ADAM22: variants seen among roughly 807,000 people sequenced by gnomAD.
The protein encoded by ADAM22 is ADAM metallopeptidase domain 22.
In ADAM22, 65 loss-of-function variants were observed where a neutral mutation model predicts 144.6. The ratio of observed to expected loss-of-function variants is 0.45; its 90% CI spans 0.37 to 0.55. The LOEUF (loss-of-function observed/expected upper bound fraction) is 0.55. ADAM22 is among the 20% of genes least tolerant of loss of function. The probability of loss-of-function intolerance (pLI) is 0.00; values close to 1 mark genes in which losing one functional copy is unlikely to be tolerated. For synonymous variants in ADAM22, 391 were observed against 412.6 expected (o/e 0.95, Z 0.63); for missense variants, 974 against 1,184.9 (o/e 0.82, Z 2.61).
chr7:88,130,296 A>G (rs1554489833), intron 9 of ADAM22, 92 bp from the exon 10 acceptor site: 3 of 871,154 alleles, frequency 3.4e-6, no homozygotes, highest in Non-Finnish European at 5.3e-6. Context: ...TTACATTTTT[A>G]GGGATCTTTC....
chr7:87,934,508 T>C lies in ADAM22; in HGVS notation c.43T>C (p.Cys15Arg). The change falls in exon 1 of 32, where the codon TGT becomes CGT. Residue 15 changes from cysteine to arginine, a missense_variant. Cys to Arg is a radical substitution (Grantham distance 180). Transcript: ENST00000413139. ...TGTGTCCGTGCCCTTCTTGCTGCTC[T>C]GTGTCCTGGGGACCTGCCCTCCGGC... ...VAVSVPFLLL[C>R]VLGTCPPARC... is the part of the protein sequence containing the mutation. 1.2e-6 allele frequency: 2 copies of C among 1,609,206 alleles called. No homozygotes were observed. Among genetic ancestry groups the C allele is most frequent in the Non-Finnish European group, 1.7e-6 (2 of 1,179,598 alleles).
At chr7:87,943,731 G>T (rs1056425160) in intron 2 of ADAM22, among the ~76,000 whole-genome samples, 2 of 152,142 alleles carry the variant, frequency 1.3e-5, no homozygotes, top group African/African-American at 4.8e-5. Context: ...GTTCTAACTG[G>T]AAAGAGAAGG....
chr7:87,957,126 G>T (rs1188709965), intron 2 of ADAM22, among the ~76,000 whole-genome samples: 1 of 152,128 alleles, frequency 6.6e-6, no homozygotes, highest in African/African-American at 2.4e-5. Context: ...GCAGCCCTTT[G>T]TTTAGACATC....
At chr7:88,175,821 C>T (rs1845500457) in intron 26 of ADAM22, among the ~76,000 whole-genome samples, 1 of 152,054 alleles carries the variant, frequency 6.6e-6, no homozygotes, top group Non-Finnish European at 1.5e-5. Context: ...TTTATGACAA[C>T]AAATGATGAA....
intron 3 of ADAM22, among the ~76,000 whole-genome samples, chr7:88,005,833 A>G (rs968599395): frequency 4.6e-5 from 7 of 152,188 alleles, no homozygotes; most frequent in African/African-American, 1.7e-4. Context: ...GTATGGAGAT[A>G]TTTATAACTA....
intron 26 of ADAM22, among the ~76,000 whole-genome samples, chr7:88,174,132 G>A (rs920555814): frequency 2.0e-5 from 3 of 152,156 alleles, no homozygotes; most frequent in African/African-American, 7.2e-5. Flanking sequence ...CAGGCAAGTA[G>A]TTCTGTGAGT....
Position 87,944,070 on chromosome 7 carries a change from T to G in ADAM22, c.246+8884T>G, listed in dbSNP as rs575300376. 5.3e-5 allele frequency among the ~76,000 whole-genome samples: 8 copies of G among 152,320 alleles called. No individual in the cohort carries two copies. The South Asian group carries it at 1.7e-3, about 32-fold the overall frequency. ...TCCTGGTTGAGTTGTGTGAGACCACTTATTCTGCTTCACACTGCCCCATGT... is the reference window on the plus strand; with the variant it reads ...TCCTGGTTGAGTTGTGTGAGACCACGTATTCTGCTTCACACTGCCCCATGT... On this transcript the variant is annotated intron_variant, in intron 2 of 31. Coordinates refer to ENST00000413139, the MANE Select transcript of ADAM22 (RefSeq NM_001324418.2).
intron 3 of ADAM22, among the ~76,000 whole-genome samples, chr7:88,028,812 A>C (rs550933737): frequency 4.6e-5 from 7 of 152,158 alleles, no homozygotes; most frequent in Admixed American, 3.9e-4. Flanking sequence ...GTCTGACATA[A>C]GTATAGCTAC....
intron 8 of ADAM22, among the ~76,000 whole-genome samples, chr7:88,126,285 A>G (rs543740154): frequency 1.1e-3 from 170 of 152,168 alleles, no homozygotes; most frequent in African/African-American, 2.9e-3. Context: ...GCTGGTAAAC[A>G]GTTTAGACAA....
intron 3 of ADAM22, among the ~76,000 whole-genome samples, chr7:88,050,484 CAAAAAA>C (rs111631002): frequency 8.5e-6 from 1 of 117,312 alleles, no homozygotes; most frequent in African/African-American, 3.2e-5. Flanking sequence ...CAGGATAACT[CAAAAAA>C]AAAAAAAAAA....
In ADAM22 at chr7:88,114,151, C is replaced by T. The variant is rs114286207; in HGVS notation, c.474-433C>T. Among the ~76,000 whole-genome samples the T allele has an allele frequency of 3.0e-3, 454 of 152,104 alleles. 3 individuals are homozygous for T. The highest frequency in any genetic ancestry group is 0.011 in the African/African-American group (437 of 41,498). On this transcript the variant is annotated intron_variant, in intron 5 of 31. Coordinates refer to ENST00000413139, the MANE Select transcript of ADAM22 (RefSeq NM_001324418.2). ...TCTTCCATGTTTATGGTAGGTCGGG[C>T]GTTCTCAGTATAGTCCCTGAAAACC...
At chr7:88,016,668 A>G (rs1425685202) in intron 3 of ADAM22, among the ~76,000 whole-genome samples, 1 of 152,218 alleles carries the variant, frequency 6.6e-6, no homozygotes, top group African/African-American at 2.4e-5. Flanking sequence ...TTTCCCACTA[A>G]GGAACTGTAG....
At chr7:88,045,891 TGTGTG>T (rs1563096268) in intron 3 of ADAM22, among the ~76,000 whole-genome samples, 1,450 of 64,782 alleles carry the variant, frequency 0.022, 18 homozygotes, top group African/African-American at 0.076. Flanking sequence ...TATTCTATTG[TGTGTG>T]TGTGTGTGTG....
chr7:88,059,069 C>T (rs1176537479), intron 3 of ADAM22, among the ~76,000 whole-genome samples: 1 of 152,168 alleles, frequency 6.6e-6, no homozygotes. Flanking sequence ...TCCTTAGTTC[C>T]CATCCCCAGG....
At chr7:87,957,601 A>G (rs933174596) in intron 2 of ADAM22, among the ~76,000 whole-genome samples, 6 of 151,474 alleles carry the variant, frequency 4.0e-5, no homozygotes, top group Admixed American at 6.6e-5. Flanking sequence ...TTTTATTGAG[A>G]TGGAGTTTCG....
At chr7:87,975,451 T>A (rs1562897417) in intron 2 of ADAM22, among the ~76,000 whole-genome samples, 1 of 152,184 alleles carries the variant, frequency 6.6e-6, no homozygotes, top group Non-Finnish European at 1.5e-5. Flanking sequence ...GTATATAGTC[T>A]AAGAAAGCTT....
At chr7:88,113,740 A>ATG (rs1228817217) in intron 5 of ADAM22, among the ~76,000 whole-genome samples, 1 of 125,594 alleles carries the variant, frequency 8.0e-6, no homozygotes, top group Non-Finnish European at 1.7e-5. Context: ...ATATATATAT[A>ATG]GTAAGTCCTA....
At chr7:87,971,154 A>T (rs1393357356) in intron 2 of ADAM22, among the ~76,000 whole-genome samples, 2 of 152,150 alleles carry the variant, frequency 1.3e-5, no homozygotes, top group Non-Finnish European at 2.9e-5. Context: ...AGCTATGGTC[A>T]TGTTATTAAC....
intron 4 of ADAM22, among the ~76,000 whole-genome samples, chr7:88,082,174 A>G (rs1236465048): frequency 6.6e-6 from 1 of 152,158 alleles, no homozygotes; most frequent in African/African-American, 2.4e-5. Flanking sequence ...GCCCTCAGAA[A>G]TAACGCCGCA....
Sources: allele counts gnomAD v4.1 joint callset (sites outside exome capture counted in the v4.1 genomes callset), GRCh38; gene constraint gnomAD v4.1.1; transcripts MANE v1.5; gene names NCBI Gene and HGNC (gene_info 2026-07-23, HGNC 2026-07-21).